VGLL4: variants seen among roughly 807,000 people sequenced by gnomAD.
VGLL4 encodes vestigial like family member 4, also known as transcription cofactor vestigial-like protein 4.
VGLL4 carries 7 observed loss-of-function variants against 21.0 expected under a neutral mutation model. The ratio of observed to expected loss-of-function variants is 0.33; its 90% CI spans 0.19 to 0.63. The LOEUF is 0.63. Ranked by LOEUF, VGLL4 falls within the 20% of genes least tolerant of loss-of-function variation. The probability of loss-of-function intolerance (pLI) is 0.78; values close to 1 mark genes in which losing one functional copy is unlikely to be tolerated. For synonymous variants in VGLL4, 222 were observed against 173.2 expected (o/e 1.28, Z -2.21); for missense variants, 394 against 425.7 (o/e 0.93, Z 0.66).
At chr3:11,652,062 CTT>C (rs1186560439) in intron 2 of VGLL4, among the ~76,000 whole-genome samples, 32 of 152,158 alleles carry the variant, frequency 2.1e-4, no homozygotes, top group Non-Finnish European at 4.3e-4. Context: ...AATCTATGGA[CTT>C]TTCAAAAACT....
At chr3:11,675,601 T>C (rs1447393298) in intron 2 of VGLL4, among the ~76,000 whole-genome samples, 1 of 152,204 alleles carries the variant, frequency 6.6e-6, no homozygotes, top group Non-Finnish European at 1.5e-5. Context: ...ATCCATTCCA[T>C]AGACCTTTAC....
chr3:11,558,953 GA>G, intron 4 of VGLL4, 126 bp from the exon 5 acceptor site: 4 of 1,163,302 alleles, frequency 3.4e-6, no homozygotes, highest in Non-Finnish European at 2.4e-6. Context: ...GGGCTCTGCA[GA>G]CAGAACCCAC....
chr3:11,638,163 T>C (rs898955801), intron 1 of VGLL4, among the ~76,000 whole-genome samples: 3 of 152,184 alleles, frequency 2.0e-5, no homozygotes, highest in Non-Finnish European at 2.9e-5. Context: ...TCTCCTCACG[T>C]GCCAAGGAGG....
chr3:11,686,632 T>C (rs1411010590), intron 2 of VGLL4, among the ~76,000 whole-genome samples: 2 of 152,220 alleles, frequency 1.3e-5, no homozygotes, highest in Non-Finnish European at 2.9e-5. Flanking sequence ...ACTGTACACT[T>C]AAAATGGTTA....
Position 11,558,471 on chromosome 3 carries a change from C to CCCG in VGLL4, c.*84_*85insCGG. ...CCTTCCCTTCCCCCCACCCCACCCC[C>CCCG]ATGATTTTTTTTTTTTTAAGTACTG... On this transcript the variant is annotated 3_prime_UTR_variant, in exon 5 of 5. Transcript: ENST00000430365. The CCCG allele has an allele frequency of 2.9e-6, 4 of 1,369,954 alleles. No homozygotes were observed. Among genetic ancestry groups the CCCG allele is most frequent in the South Asian group, 1.3e-5 (1 of 77,264 alleles). The allele number at this position is 1,369,954 out of a possible 1,614,324, so 84.9% of individuals were successfully genotyped here. A position where few individuals can be genotyped will look rare whatever the true frequency, so the allele number is the denominator to read the frequency against.
chr3:11,583,679 A>G (rs79845895), intron 2 of VGLL4, among the ~76,000 whole-genome samples: 36 of 152,340 alleles, frequency 2.4e-4, no homozygotes, highest in African/African-American at 8.7e-4. Flanking sequence ...CACTCTCGTC[A>G]CGATGACGAT....
At chr3:11,667,212 A>G (rs1311640319) in intron 2 of VGLL4, among the ~76,000 whole-genome samples, 1 of 152,234 alleles carries the variant, frequency 6.6e-6, no homozygotes, top group Non-Finnish European at 1.5e-5. Context: ...TGAGACTCCA[A>G]TCTTCCCATC....
At chr3:11,574,985 G>A (rs553962992) in intron 2 of VGLL4, among the ~76,000 whole-genome samples, 5 of 152,062 alleles carry the variant, frequency 3.3e-5, no homozygotes, top group Admixed American at 2.6e-4. Context: ...TAGTGTTTGG[G>A]GAGGATGAAA....
chr3:11,678,217 G>A (rs2076322095), intron 2 of VGLL4, among the ~76,000 whole-genome samples: 1 of 152,100 alleles, frequency 6.6e-6, no homozygotes, highest in Non-Finnish European at 1.5e-5. Context: ...ACCACATCTG[G>A]CTAATTTTTT....
intron 1 of VGLL4, among the ~76,000 whole-genome samples, chr3:11,708,940 G>A (rs1011650545): frequency 5.3e-5 from 8 of 151,960 alleles, no homozygotes; most frequent in African/African-American, 9.7e-5. Flanking sequence ...TGATGGCACC[G>A]GTAATCCCAG....
intron 2 of VGLL4, among the ~76,000 whole-genome samples, chr3:11,675,981 GTT>G (rs1385090908): frequency 6.6e-6 from 1 of 151,996 alleles, no homozygotes; most frequent in Non-Finnish European, 1.5e-5. Flanking sequence ...ACTTTATCAT[GTT>G]TTATTCTTTA....
At chr3:11,658,203 G>C (rs550461029) in intron 2 of VGLL4, among the ~76,000 whole-genome samples, 3 of 152,270 alleles carry the variant, frequency 2.0e-5, no homozygotes, top group African/African-American at 7.2e-5. Context: ...CCAAAGTGCT[G>C]GGATTACAGA....
intron 2 of VGLL4, among the ~76,000 whole-genome samples, chr3:11,586,383 C>T (rs1397462051): frequency 6.6e-6 from 1 of 152,172 alleles, no homozygotes; most frequent in African/African-American, 2.4e-5. Flanking sequence ...AGGAGATTAT[C>T]ACCAAATTTG....
intron 2 of VGLL4, among the ~76,000 whole-genome samples, chr3:11,700,002 T>G (rs746040684): frequency 6.6e-6 from 1 of 152,282 alleles, no homozygotes; most frequent in East Asian, 1.9e-4. Flanking sequence ...TCCCAAACCA[T>G]AGGTTCCAAA....
At chr3:11,587,260 A>G (rs997376658) in intron 2 of VGLL4, among the ~76,000 whole-genome samples, 3 of 152,206 alleles carry the variant, frequency 2.0e-5, no homozygotes, top group Non-Finnish European at 2.9e-5. Context: ...AAGTCCTCCA[A>G]TGAGGTTCTA....
chr3:11,641,068 G>T (rs1204705864), intron 1 of VGLL4, among the ~76,000 whole-genome samples: 1 of 139,324 alleles, frequency 7.2e-6, no homozygotes, highest in Non-Finnish European at 1.5e-5. Context: ...AGTGAGCCAA[G>T]ATCGCGCCAT....
At chr3:11,668,488 T>C (rs961613898) in intron 2 of VGLL4, among the ~76,000 whole-genome samples, 11 of 152,144 alleles carry the variant, frequency 7.2e-5, no homozygotes, top group African/African-American at 2.4e-4. Flanking sequence ...CCAGACATAC[T>C]GAGTCAGACT....
At chr3:11,645,169 A>G (rs545278436), upstream of VGLL4, among the ~76,000 whole-genome samples, 128 of 147,492 alleles carry the variant, frequency 8.7e-4, 1 homozygote, top group African/African-American at 3.2e-3. Context: ...TCAGCACATC[A>G]AGAACGTGTT....
intron 1 of VGLL4, chr3:11,607,158 T>C (rs534831747): frequency 1.3e-5 from 2 of 152,318 alleles, no homozygotes; most frequent in South Asian, 2.1e-4. Context: ...AGCAGCATTA[T>C]TAAAATAGCT....
Sources: gnomAD v4.1 joint callset for allele counts (sites outside exome capture counted in the v4.1 genomes callset) on GRCh38, gnomAD v4.1.1 for gene constraint, MANE v1.5 for transcripts, NCBI Gene and HGNC (gene_info 2026-07-23, HGNC 2026-07-21) for gene names.